The following ABCC4 variants were observed in gnomAD, a reference collection of about 807,000 sequenced individuals.
The protein encoded by ABCC4 is ATP binding cassette subfamily C member 4 (PEL blood group).
ABCC4 carries 102 observed loss-of-function variants against 168.5 expected under a neutral mutation model. The ratio of observed to expected loss-of-function variants is 0.61; its 90% CI spans 0.52 to 0.71. The LOEUF (loss-of-function observed/expected upper bound fraction) is 0.71. ABCC4 is among the 30% of genes least tolerant of loss of function. The pLI is 0.00. For missense variants in ABCC4, 1,402 were observed against 1,605.8 expected, an observed-to-expected ratio of 0.87 and a Z score of 2.17; for synonymous variants, 617 against 590.7, an observed-to-expected ratio of 1.04 and a Z score of -0.65.
intron 23 of ABCC4, 146 bp downstream of exon 23, chr13:95,074,068 C>T (rs2033816513): frequency 1.5e-6 from 1 of 654,596 alleles, no homozygotes; most frequent in Non-Finnish European, 2.5e-6. Context: ...GAATCCTACC[C>T]AACCTGACAC....
chr13:95,237,480 T>C (rs1208398137), intron 3 of ABCC4, among the ~76,000 whole-genome samples: 2 of 152,190 alleles, frequency 1.3e-5, no homozygotes, highest in Non-Finnish European at 2.9e-5. Context: ...ACAAACAAGC[T>C]AAGAATAGTC....
chr13:95,188,491 C>A lies in ABCC4; in HGVS notation c.1315G>T (p.Glu439Ter). ...QGLSFTVRPG[E>*]LLAVVGPVGA... ...ACGGGGCCGACCACAGCTAACAATT[C>A]GCCAGGTCTGACAGTAAAGGAAAGG... Residue 439 changes from glutamate to a stop codon, truncating the protein, a stop_gained, in exon 10 of 31, where the codon GAA (glutamate) becomes TAA (stop). Transcript: ENST00000645237. LOFTEE classifies it high-confidence loss of function. The A allele has an allele frequency of 1.9e-6, 3 of 1,614,112 alleles. No individual in the cohort carries two copies. The highest frequency in any genetic ancestry group is 2.5e-6 in the Non-Finnish European group (3 of 1,180,000).
At chr13:95,190,512 G>A (rs1441067816) in intron 9 of ABCC4, among the ~76,000 whole-genome samples, 1 of 152,116 alleles carries the variant, frequency 6.6e-6, no homozygotes, top group East Asian at 1.9e-4. Context: ...CCAAAATGAG[G>A]AGGTTTCCTC....
rs367964025 is a variant in ABCC4 at position 95,032,920 on chromosome 13, CCAAA to C, written c.3870+1681_3870+1684del. ...CTTGTGATCCACCCGCCTCGGCCTC[CCAAA>C]CAAAGTGCTGGGGTTACAGGTGTGA... On this transcript the variant is annotated intron_variant, in intron 30 of 30. Coordinates refer to ENST00000645237, the MANE Select transcript of ABCC4 (RefSeq NM_005845.5). Among the ~76,000 whole-genome samples the C allele has an allele frequency of 1.3e-3, 200 of 150,722 alleles. 5 individuals are homozygous for C. The South Asian group carries it at 0.04, about 30-fold the overall frequency.
At chr13:95,218,788 C>G (rs779374023) in intron 4 of ABCC4, among the ~76,000 whole-genome samples, 3 of 150,700 alleles carry the variant, frequency 2.0e-5, no homozygotes, top group Non-Finnish European at 4.4e-5. Context: ...GAGCTCAAGG[C>G]TGCAGTAAGC....
At chr13:95,099,164 T>C (rs1394516482) in intron 20 of ABCC4, among the ~76,000 whole-genome samples, 1 of 152,140 alleles carries the variant, frequency 6.6e-6, no homozygotes, top group Non-Finnish European at 1.5e-5. Flanking sequence ...CATCATACAA[T>C]GAAATATCAC....
At chr13:95,090,879 A>C (rs1044759913) in intron 20 of ABCC4, among the ~76,000 whole-genome samples, 1 of 152,202 alleles carries the variant, frequency 6.6e-6, no homozygotes, top group African/African-American at 2.4e-5. Context: ...AAATCCAACA[A>C]ATAATACAAG....
chr13:95,186,396 C>T (rs866815183), intron 11 of ABCC4, among the ~76,000 whole-genome samples: 1 of 152,002 alleles, frequency 6.6e-6, no homozygotes, highest in Non-Finnish European at 1.5e-5. Flanking sequence ...AGGTTCAAGA[C>T]ACCCTTCTCT....
chr13:95,208,000 G>C, intron 6 of ABCC4, 75 bp from the exon 7 acceptor site: 1 of 1,526,538 alleles, frequency 6.6e-7, no homozygotes, highest in South Asian at 1.2e-5. Context: ...CACAGGCAGG[G>C]ACCTGCATCA....
chr13:95,284,144 T>C (rs991968484), intron 1 of ABCC4, among the ~76,000 whole-genome samples: 2 of 151,714 alleles, frequency 1.3e-5, no homozygotes, highest in African/African-American at 4.8e-5. Context: ...GGGAGGCAGG[T>C]TTTTTGTTTT....
intron 26 of ABCC4, among the ~76,000 whole-genome samples, chr13:95,062,413 G>A (rs61967191): frequency 6.6e-6 from 1 of 151,478 alleles, no homozygotes; most frequent in Non-Finnish European, 1.5e-5. Context: ...GCATCATTTT[G>A]TTCTTTATGG....
At chr13:95,142,197 C>T (rs2036340312) in intron 19 of ABCC4, among the ~76,000 whole-genome samples, 1 of 152,138 alleles carries the variant, frequency 6.6e-6, no homozygotes, top group Admixed American at 6.5e-5. Context: ...TGCCCATCAA[C>T]AAGTGGATAA....
chr13:95,222,490 C>G (rs1319601261), intron 4 of ABCC4, among the ~76,000 whole-genome samples: 1 of 152,178 alleles, frequency 6.6e-6, no homozygotes, highest in Non-Finnish European at 1.5e-5. Context: ...TGGCCCTGGA[C>G]AGTAAGCAGG....
chr13:95,083,683 T>C (rs1211702553), intron 20 of ABCC4, among the ~76,000 whole-genome samples: 4 of 151,976 alleles, frequency 2.6e-5, no homozygotes, highest in Admixed American at 1.3e-4. Flanking sequence ...CATGTCACCA[T>C]GCCTAATTTT....
rs771504856 is a variant in ABCC4 at position 95,166,193 on chromosome 13, G to C, written c.1999C>G (p.Pro667Ala). Residue 667 changes from proline to alanine, a missense_variant, in exon 15 of 31, where the codon CCC becomes GCC. By Grantham distance (27) the Pro-to-Ala change is conservative. Around this residue, in one of 3 missense-constraint regions of ABCC4, gnomAD observed 1,007 missense variants for 1,127.3 expected, o/e 0.89. Transcript: ENST00000645237. ...SSVWSQQSSR[P>A]SLKDGALESQ... is the part of the protein sequence containing the mutation. Reference sequence around the variant, plus strand: ...TCCAGAGCACCATCTTTCAAGGAGGGTCTAGAAGATTGTTGAGACCAAACC... The same window carrying C: ...TCCAGAGCACCATCTTTCAAGGAGGCTCTAGAAGATTGTTGAGACCAAACC... 1 of 1,614,136 alleles carries C rather than the reference G, an allele frequency of 6.2e-7. No homozygotes were observed. Among genetic ancestry groups the C allele is most frequent in the South Asian group, 1.1e-5 (1 of 91,078 alleles).
intron 1 of ABCC4, among the ~76,000 whole-genome samples, chr13:95,252,512 C>T (rs1164444440): frequency 6.6e-6 from 1 of 152,008 alleles, no homozygotes; most frequent in Admixed American, 6.6e-5. Context: ...CCCATCTCTA[C>T]TAAAATACAA....
chr13:95,273,987 G>A (rs1218595164), intron 1 of ABCC4, among the ~76,000 whole-genome samples: 1 of 151,974 alleles, frequency 6.6e-6, no homozygotes, highest in Non-Finnish European at 1.5e-5. Flanking sequence ...TGCCATCCAC[G>A]TGACTTTCTC....
chr13:95,064,532 T>TGG (rs5805901), intron 25 of ABCC4, among the ~76,000 whole-genome samples: 178 of 141,854 alleles, frequency 1.3e-3, no homozygotes, highest in African/African-American at 3.1e-3. Context: ...TGTGTGTGTG[T>TGG]GGGGCTTATG....
At chr13:95,190,464 C>T (rs1398895140) in intron 9 of ABCC4, among the ~76,000 whole-genome samples, 2 of 152,052 alleles carry the variant, frequency 1.3e-5, no homozygotes, top group Non-Finnish European at 2.9e-5. Context: ...GATAGTTTAC[C>T]AGAGCATGAT....
Sources: allele counts gnomAD v4.1 joint callset (sites outside exome capture counted in the v4.1 genomes callset), GRCh38; gene constraint gnomAD v4.1.1; regional missense constraint gnomAD v4.1.1; transcripts MANE v1.5; gene names NCBI Gene and HGNC (gene_info 2026-07-23, HGNC 2026-07-21).